The following TMC7 variants were observed in gnomAD, a reference collection of about 807,000 sequenced individuals.
The protein encoded by TMC7 is transmembrane channel like 7.
TMC7 carries 54 observed loss-of-function variants against 82.9 expected under a neutral mutation model. The ratio of observed to expected loss-of-function variants is 0.65; its 90% confidence interval spans 0.52 to 0.82. The LOEUF (loss-of-function observed/expected upper bound fraction) is 0.82, where lower values mean the gene tolerates loss of function less well. Among genes scored for constraint, TMC7 ranks in the 40% least tolerant of loss-of-function variants. The pLI is 0.00. For missense variants in TMC7, 820 were observed against 901.2 expected (o/e 0.91, Z 1.15); for synonymous variants, 350 against 337.9 (o/e 1.04, Z -0.39).
intron 5 of TMC7, among the ~76,000 whole-genome samples, chr16:19,024,196 C>T (rs761582693): frequency 2.6e-5 from 4 of 152,088 alleles, no homozygotes; most frequent in Admixed American, 6.6e-5. Context: ...TTTGAGAGGC[C>T]GAGGCAGGAG....
intron 1 of TMC7, among the ~76,000 whole-genome samples, chr16:18,998,439 C>T (rs920608899): frequency 1.3e-5 from 2 of 152,180 alleles, no homozygotes; most frequent in African/African-American, 4.8e-5. Context: ...AGACCCCTGA[C>T]CAGATGCTCC....
intron 5 of TMC7, among the ~76,000 whole-genome samples, chr16:19,027,447 A>G (rs190020769): frequency 1.9e-3 from 287 of 152,224 alleles, no homozygotes; most frequent in African/African-American, 6.5e-3. Context: ...TATTGTTAAT[A>G]ATATAAATGT....
chr16:19,009,711 G>A (rs1265593925), intron 2 of TMC7, among the ~76,000 whole-genome samples: 10 of 151,788 alleles, frequency 6.6e-5, no homozygotes, highest in Admixed American at 4.6e-4. Context: ...AGGCTGAGGC[G>A]GGTGGATCAC....
At chr16:19,048,371 C>T (rs896284716) in intron 12 of TMC7, among the ~76,000 whole-genome samples, 1 of 152,062 alleles carries the variant, frequency 6.6e-6, no homozygotes, top group Admixed American at 6.6e-5. Context: ...GGGATGTAGC[C>T]TTGCAGATGA....
intron 5 of TMC7, among the ~76,000 whole-genome samples, chr16:19,026,604 A>G (rs760121528): frequency 6.6e-6 from 1 of 152,214 alleles, no homozygotes; most frequent in Admixed American, 6.5e-5. Context: ...GCACACTGTA[A>G]CCTTCTTCCT....
rs370045896 is a variant in TMC7 at position 19,040,239 on chromosome 16, G to A, written c.1180-50G>A. 11 of 1,547,256 alleles carry A rather than the reference G, an allele frequency of 7.1e-6. No homozygotes were observed. The African/African-American group carries it at 8.2e-5, about 12-fold the overall frequency. ...TTCTTTTTTGTTCTATCTATTTGTG[G>A]TGTAACTTCCTCATATACTCCTGAC... On this transcript the variant is annotated intron_variant, in intron 8 of 15. Coordinates refer to ENST00000304381, the MANE Select transcript of TMC7 (RefSeq NM_024847.4).
chr16:18,987,212 C>A (rs1343138511), intron 1 of TMC7, among the ~76,000 whole-genome samples: 1 of 152,244 alleles, frequency 6.6e-6, no homozygotes, highest in Non-Finnish European at 1.5e-5. Context: ...CTCACTTCCT[C>A]TGACCAGTTA....
chr16:19,014,664 G>A (rs576376257), intron 2 of TMC7, among the ~76,000 whole-genome samples: 4 of 152,234 alleles, frequency 2.6e-5, no homozygotes, highest in Admixed American at 2.0e-4. Flanking sequence ...GACTTGGGGC[G>A]CCTCCTCCAG....
At chr16:18,986,897 C>T (rs562366935) in intron 1 of TMC7, among the ~76,000 whole-genome samples, 16 of 151,946 alleles carry the variant, frequency 1.1e-4, no homozygotes, top group South Asian at 2.1e-4. Context: ...CTCCGTCTCC[C>T]GGGTTCATGC....
intron 3 of TMC7, among the ~76,000 whole-genome samples, chr16:19,017,256 A>T (rs1267897234): frequency 2.6e-5 from 4 of 151,902 alleles, no homozygotes; most frequent in African/African-American, 9.7e-5. Context: ...TTAAAATAAT[A>T]TGATAACTGT....
intron 14 of TMC7, among the ~76,000 whole-genome samples, chr16:19,057,260 A>G (rs1355422604): frequency 6.6e-6 from 1 of 152,196 alleles, no homozygotes; most frequent in Non-Finnish European, 1.5e-5. Context: ...GCTAATATAT[A>G]TTGCCTATTA....
chr16:19,022,761 G>C (rs1380550414), intron 4 of TMC7, among the ~76,000 whole-genome samples: 1 of 152,216 alleles, frequency 6.6e-6, no homozygotes, highest in Non-Finnish European at 1.5e-5. Flanking sequence ...GGGTCCGGGG[G>C]CTCACGCCTG....
At chr16:19,030,944 TG>T (rs1217910670) in intron 6 of TMC7, among the ~76,000 whole-genome samples, 1 of 151,976 alleles carries the variant, frequency 6.6e-6, no homozygotes, top group East Asian at 1.9e-4. Flanking sequence ...CCCCTTCCTT[TG>T]CTTAGGTGTG....
chr16:19,021,791 A>C lies in TMC7; in HGVS notation c.623A>C (p.Asp208Ala), dbSNP rs201428435. Reference sequence around the variant, plus strand: ...AGCTTCGTGCTCATTCCTTTCAAAGACATGGGTGAGTGTAAGGCCTGGTTT... The same window carrying C: ...AGCTTCGTGCTCATTCCTTTCAAAGCCATGGGTGAGTGTAAGGCCTGGTTT... ...NSSFVLIPFKDMDKQCTVYPV... is the reference protein window; with the variant it reads ...NSSFVLIPFKAMDKQCTVYPV... The change falls in exon 4 of 16, where the codon GAC becomes GCC. Residue 208 changes from aspartate (D) to alanine (A), a missense_variant. This residue lies in a region of TMC7 where 650 missense variants were observed against 669.9 expected (regional missense o/e 0.97). Transcript: ENST00000304381. 1 of 1,614,166 alleles carries C rather than the reference A, an allele frequency of 6.2e-7. No homozygotes were observed. The highest frequency in any genetic ancestry group is 1.3e-5 in the African/African-American group (1 of 75,066).
intron 15 of TMC7, among the ~76,000 whole-genome samples, chr16:19,060,904 A>G (rs2142329031): frequency 6.6e-6 from 1 of 150,882 alleles, no homozygotes; most frequent in East Asian, 2.0e-4. Context: ...CTCCTTCCTC[A>G]GCCTCCCAAG....
At chr16:19,024,360 G>A (rs4782193) in intron 5 of TMC7, among the ~76,000 whole-genome samples, 133,049 of 152,064 alleles carry the variant, frequency 0.87, 59,469 homozygotes, top group Non-Finnish European at 0.96. Flanking sequence ...GGTTGAGGCT[G>A]CAGTGAGCCA....
Position 19,035,770 on chromosome 16 carries a change from A to T in TMC7, c.952A>T (p.Thr318Ser). 6.2e-7 allele frequency: 1 copy of T among 1,612,850 alleles called. No homozygotes were observed. The highest frequency in any genetic ancestry group is 8.5e-7 in the Non-Finnish European group (1 of 1,179,398). The change falls in exon 7 of 16, where the codon ACT (threonine) becomes TCT (serine). Residue 318 changes from threonine (T) to serine (S), a missense_variant. Thr to Ser is a moderately conservative substitution (Grantham distance 58, BLOSUM62 1). This residue lies in a region of TMC7 where 650 missense variants were observed against 669.9 expected (regional missense o/e 0.97). Transcript: ENST00000304381. ...ATTTGCCGGCTGGGACTTCTGCATC[A>T]CTAACCGCAGCATGGCGGATCTGAA... ...KIFAGWDFCITNRSMADLKHS... is the reference protein window; with the variant it reads ...KIFAGWDFCISNRSMADLKHS...
intron 9 of TMC7, among the ~76,000 whole-genome samples, chr16:19,044,484 A>G (rs1344841243): frequency 6.6e-6 from 1 of 151,960 alleles, no homozygotes; most frequent in Non-Finnish European, 1.5e-5. Flanking sequence ...GTGAGCCACT[A>G]TGCCTGGCTG....
At chr16:19,015,780 T>C (rs535321000) in intron 2 of TMC7, among the ~76,000 whole-genome samples, 1 of 152,052 alleles carries the variant, frequency 6.6e-6, no homozygotes, top group Non-Finnish European at 1.5e-5. Context: ...TTCACTATGT[T>C]GGCCAGGCTG....
Sources: allele counts gnomAD v4.1 joint callset (sites outside exome capture counted in the v4.1 genomes callset), GRCh38; gene constraint gnomAD v4.1.1; regional missense constraint gnomAD v4.1.1; transcripts MANE v1.5; gene names NCBI Gene and HGNC (gene_info 2026-07-23, HGNC 2026-07-21).